The following SCN11A variants were observed in gnomAD, a reference collection of about 807,000 sequenced individuals.
SCN11A encodes the protein sodium voltage-gated channel alpha subunit 11.
In SCN11A, 122 loss-of-function variants were observed where a neutral mutation model predicts 162.2. The ratio of observed to expected loss-of-function variants is 0.75; its 90% CI spans 0.65 to 0.87. The LOEUF is 0.87. Ranked by LOEUF, SCN11A falls within the 40% of genes least tolerant of loss-of-function variation. The pLI is 0.00. For missense variants in SCN11A, 2,015 were observed against 2,181.6 expected, an observed-to-expected ratio of 0.92 and a Z score of 1.52; for synonymous variants, 758 against 751.5, an observed-to-expected ratio of 1.01 and a Z score of -0.14.
chr3:39,046,347 C>T (rs531485449), intron 1 of SCN11A, among the ~76,000 whole-genome samples: 1 of 152,032 alleles, frequency 6.6e-6, no homozygotes, highest in African/African-American at 2.4e-5. Context: ...AATTATAAAA[C>T]TCTGATGAAA....
chr3:38,935,541 G>A (rs1488930679), intron 7 of SCN11A, among the ~76,000 whole-genome samples: 2 of 151,824 alleles, frequency 1.3e-5, no homozygotes, highest in Non-Finnish European at 2.9e-5. Context: ...ATGATAAAGG[G>A]GATATCACCA....
chr3:38,963,376 T>C (rs2066756298), intron 2 of SCN11A, among the ~76,000 whole-genome samples: 1 of 85,842 alleles, frequency 1.2e-5, no homozygotes, highest in Admixed American at 1.2e-4. Context: ...TATATATATA[T>C]ATATATATAT....
intron 11 of SCN11A, 37 bp from the exon 12 acceptor site, chr3:38,910,244 C>T (rs369952697): frequency 6.8e-5 from 109 of 1,591,874 alleles, no homozygotes; most frequent in Admixed American, 5.2e-4. Context: ...TAATTATGTA[C>T]GCCACAGCCA....
At chr3:38,964,262 G>A (rs1006660497) in intron 2 of SCN11A, among the ~76,000 whole-genome samples, 11 of 152,180 alleles carry the variant, frequency 7.2e-5, no homozygotes, top group East Asian at 5.8e-4. Context: ...CAGTTCTGCC[G>A]TCTGATGAGG....
chr3:39,050,230 TG>T (rs148748815), intron 1 of SCN11A, among the ~76,000 whole-genome samples: 74 of 152,320 alleles, frequency 4.9e-4, no homozygotes, highest in African/African-American at 1.8e-3. Flanking sequence ...TGCTCTCTCC[TG>T]CTACAAGACC....
chr3:38,872,628 C>G (rs1440788207), intron 23 of SCN11A, among the ~76,000 whole-genome samples: 2 of 152,076 alleles, frequency 1.3e-5, no homozygotes, highest in African/African-American at 4.8e-5. Flanking sequence ...TAACAAAGAT[C>G]TTTATGGTGA....
chr3:38,936,218 C>T (rs569620057), intron 7 of SCN11A, among the ~76,000 whole-genome samples: 1 of 151,770 alleles, frequency 6.6e-6, no homozygotes, highest in Non-Finnish European at 1.5e-5. Context: ...TGGGACGTAT[C>T]TCAAAATAAT....
At chr3:38,870,833 G>A in intron 25 of SCN11A, 89 bp from the exon 26 acceptor site, 3 of 1,080,192 alleles carry the variant, frequency 2.8e-6, no homozygotes, top group Admixed American at 1.7e-5. Context: ...GAGGCCCAGT[G>A]GGCTGAATAT....
chr3:38,927,165 C>A (rs942956502), intron 7 of SCN11A, among the ~76,000 whole-genome samples: 2 of 152,130 alleles, frequency 1.3e-5, no homozygotes, highest in African/African-American at 4.8e-5. Context: ...CAAGGCCTAG[C>A]TTTATGTCCA....
At chr3:38,908,637 C>G (rs1484271237) in intron 13 of SCN11A, among the ~76,000 whole-genome samples, 1 of 152,056 alleles carries the variant, frequency 6.6e-6, no homozygotes, top group African/African-American at 2.4e-5. Flanking sequence ...GCAAAGGCGC[C>G]GAACACAAAC....
chr3:39,034,613 G>A (rs571942364), intron 1 of SCN11A, among the ~76,000 whole-genome samples: 1 of 152,292 alleles, frequency 6.6e-6, no homozygotes, highest in East Asian at 1.9e-4. Context: ...CCTAGCTAGA[G>A]CAACCCAGTA....
chr3:39,008,961 G>C (rs1300438946), intron 2 of SCN11A, among the ~76,000 whole-genome samples: 2 of 151,790 alleles, frequency 1.3e-5, no homozygotes, highest in East Asian at 3.9e-4. Context: ...AGGGGTCCCT[G>C]AAACCTTATT....
At chr3:38,938,772 C>T (rs1375451542) in intron 7 of SCN11A, among the ~76,000 whole-genome samples, 1 of 151,140 alleles carries the variant, frequency 6.6e-6, no homozygotes, top group Non-Finnish European at 1.5e-5. Flanking sequence ...CCATGTTGGT[C>T]AGGCTGGTCT....
intron 5 of SCN11A, among the ~76,000 whole-genome samples, chr3:38,949,041 A>G (rs75854730): frequency 0.016 from 2,424 of 152,310 alleles, 66 homozygotes; most frequent in African/African-American, 0.056. Context: ...CTCTAAGTCT[A>G]TCCCAATTGA....
chr3:38,939,192 AAAATAGAATTTAATACAT>A lies in SCN11A; in HGVS notation c.488+6201_488+6218del, dbSNP rs2066402705. ...TGTCTCAAAAAATACTAATAAAATAAAAATAGAATTTAATACATAAATAGAATTTAAGATATAGTTTTA... is the reference window on the plus strand; with the variant it reads ...TGTCTCAAAAAATACTAATAAAATAAAAATAGAATTTAAGATATAGTTTTA... On this transcript the variant is annotated intron_variant, in intron 7 of 29. Transcript: ENST00000302328. Among the ~76,000 whole-genome samples the A allele has an allele frequency of 7.2e-5, 11 of 152,168 alleles. No individual in the cohort carries two copies. The South Asian group carries it at 2.3e-3, about 32-fold the overall frequency.
chr3:38,937,345 T>G (rs1006325446), intron 7 of SCN11A, among the ~76,000 whole-genome samples: 1 of 149,930 alleles, frequency 6.7e-6, no homozygotes, highest in African/African-American at 2.5e-5. Flanking sequence ...CCAAAAGCAA[T>G]GGCAACAAAA....
rs921997334 is a variant in SCN11A at position 39,013,695 on chromosome 3, C to T, written c.-280+18685G>A. The stretch of plus-strand genomic sequence containing the variant: ...CTTCTACCTAACATAAAATGTTAGG[C>T]GGAAGATCTGTCCAACAAATAAGGA... On this transcript the variant is annotated intron_variant, in intron 2 of 29. Transcript: ENST00000302328. Among the ~76,000 whole-genome samples the T allele has an allele frequency of 3.3e-5, 5 of 152,314 alleles. No individual in the cohort carries two copies. The East Asian group carries it at 5.8e-4, about 18-fold the overall frequency.
intron 11 of SCN11A, among the ~76,000 whole-genome samples, chr3:38,916,673 G>T (rs893050343): frequency 2.0e-5 from 3 of 152,128 alleles, no homozygotes; most frequent in African/African-American, 7.2e-5. Flanking sequence ...TGGGCTTCTT[G>T]TCAATCCCTA....
intron 26 of SCN11A, among the ~76,000 whole-genome samples, chr3:38,869,276 C>T (rs1044064461): frequency 1.2e-4 from 18 of 152,296 alleles, no homozygotes; most frequent in African/African-American, 4.1e-4. Context: ...TCCCCATCTC[C>T]ACCTCCGCAC....
Sources: gnomAD v4.1 joint callset for allele counts (sites outside exome capture counted in the v4.1 genomes callset) on GRCh38, gnomAD v4.1.1 for gene constraint, MANE v1.5 for transcripts, NCBI Gene and HGNC (gene_info 2026-07-23, HGNC 2026-07-21) for gene names.